FAM83B: variants seen among roughly 807,000 people sequenced by gnomAD.
The protein encoded by FAM83B is scaffolding CK1 anchoring protein B, also known as protein FAM83B.
A neutral mutation model predicts 38.8 loss-of-function variants in FAM83B; 26 were observed. The observed-to-expected ratio is 0.67, with a 90% CI of 0.49 to 0.93. FAM83B has a LOEUF of 0.93. Among genes scored for constraint, FAM83B ranks in the 40% least tolerant of loss-of-function variants. FAM83B has a pLI of 0.00. For synonymous variants in FAM83B, 419 were observed against 423.1 expected (o/e 0.99, Z 0.12); for missense variants, 1,237 against 1,197.3 (o/e 1.03, Z -0.49).
intron 2 of FAM83B, among the ~76,000 whole-genome samples, chr6:54,906,453 C>T (rs900173472): frequency 6.6e-6 from 1 of 152,200 alleles, no homozygotes; most frequent in Non-Finnish European, 1.5e-5. Flanking sequence ...GGCATGAGCT[C>T]GGCTCACTGC....
chr6:54,872,363 A>C (rs1186924105), intron 2 of FAM83B, among the ~76,000 whole-genome samples: 1 of 152,196 alleles, frequency 6.6e-6, no homozygotes, highest in African/African-American at 2.4e-5. Context: ...ATTTGAGGCT[A>C]TATGTGAGTC....
intron 2 of FAM83B, among the ~76,000 whole-genome samples, chr6:54,884,051 C>A (rs898940103): frequency 2.6e-5 from 4 of 152,024 alleles, no homozygotes; most frequent in African/African-American, 7.2e-5. Flanking sequence ...CGCCTTTAAT[C>A]CCAGCACTGT....
At chr6:54,854,636 G>T (rs1401744196) in intron 1 of FAM83B, among the ~76,000 whole-genome samples, 1 of 152,164 alleles carries the variant, frequency 6.6e-6, no homozygotes, top group Non-Finnish European at 1.5e-5. Context: ...ATAAGCCACA[G>T]TATAATGTAA....
At chr6:54,856,471 T>C (rs1322675588) in intron 1 of FAM83B, among the ~76,000 whole-genome samples, 2 of 152,118 alleles carry the variant, frequency 1.3e-5, no homozygotes, top group African/African-American at 2.4e-5. Flanking sequence ...TTGAGCACAA[T>C]TGTAGAGAGA....
intron 2 of FAM83B, among the ~76,000 whole-genome samples, chr6:54,900,088 T>C (rs948727898): frequency 2.0e-5 from 3 of 152,196 alleles, no homozygotes; most frequent in Non-Finnish European, 2.9e-5. Context: ...AAAATTAACA[T>C]TTGTTATGCA....
In FAM83B at chr6:54,941,532, C is replaced by T. The variant is rs1247833280; in HGVS notation, c.2561C>T (p.Ser854Phe). Reference sequence around the variant, plus strand: ...AAGGAAGATGTAACAGTTAGCCCATCTCAAGAGATAAATGCTCCACCAGAT... The same window carrying T: ...AAGGAAGATGTAACAGTTAGCCCATTTCAAGAGATAAATGCTCCACCAGAT... ...KSKEDVTVSP[S>F]QEINAPPDEN... The change falls in exon 5 of 5, where the codon TCT becomes TTT. Residue 854 changes from serine to phenylalanine, a missense_variant. Coordinates refer to ENST00000306858, the MANE Select transcript of FAM83B (RefSeq NM_001010872.3). 3 of 1,613,942 alleles carry T rather than the reference C, an allele frequency of 1.9e-6. No homozygotes were observed. The highest frequency in any genetic ancestry group is 1.6e-4 in the Middle Eastern group (1 of 6,084).
chr6:54,927,073 T>G (rs971719652), intron 3 of FAM83B, among the ~76,000 whole-genome samples: 5 of 152,178 alleles, frequency 3.3e-5, no homozygotes, highest in Non-Finnish European at 1.5e-5. Context: ...GATTAATATT[T>G]AATACATCAG....
In FAM83B at chr6:54,899,719, C is replaced by T. The variant is rs562603279; in HGVS notation, c.445-26652C>T. On this transcript the variant is annotated intron_variant, in intron 2 of 4. Transcript: ENST00000306858. ...CTGATTCCATTCATGAGGCCTCCCA[C>T]AGGCTCCACCTCCTAATATATTGTC... Among the ~76,000 whole-genome samples, 13 of 152,278 alleles carry T rather than the reference C, an allele frequency of 8.5e-5. No individual in the cohort carries two copies. In the South Asian group the frequency reaches 2.7e-3, roughly 32 times the overall value.
chr6:54,912,716 A>C (rs1271798971), intron 2 of FAM83B, among the ~76,000 whole-genome samples: 2 of 152,008 alleles, frequency 1.3e-5, no homozygotes, highest in Non-Finnish European at 2.9e-5. Flanking sequence ...CCCCCTGAAA[A>C]TTTATTTCTC....
intron 1 of FAM83B, among the ~76,000 whole-genome samples, chr6:54,866,731 A>G (rs1197084703): frequency 5.3e-5 from 8 of 152,118 alleles, no homozygotes; most frequent in East Asian, 1.9e-4. Flanking sequence ...TAGAGCTGCT[A>G]TAAATATTTG....
Position 54,941,303 on chromosome 6 carries a change from T to A in FAM83B, c.2332T>A (p.Leu778Ile). Residue 778 changes from leucine to isoleucine, a missense_variant, in exon 5 of 5, where the codon TTA (leucine) becomes ATA (isoleucine). Transcript: ENST00000306858. ...AAAGGGGTCTCAGAAGTTAAGGTCA[T>A]TACTTAGCCTTACCCCAGATAAGAA... Reference protein sequence around the residue: ...LKKGSQKLRSLLSLTPDKKEN... With the variant: ...LKKGSQKLRSILSLTPDKKEN... 1 of 1,611,342 alleles carries A rather than the reference T, an allele frequency of 6.2e-7. No individual in the cohort carries two copies. The highest frequency in any genetic ancestry group is 2.2e-5 in the East Asian group (1 of 44,862).
chr6:54,927,727 GTAAA>G (rs1773332199), intron 4 of FAM83B, 95 bp downstream of exon 4: 2 of 33,556 alleles, frequency 6.0e-5, no homozygotes, highest in South Asian at 1.0e-3. Context: ...TTTCTTAAAA[GTAAA>G]AAAAAAAAAA....
intron 1 of FAM83B, among the ~76,000 whole-genome samples, chr6:54,859,004 C>A (rs918525473): frequency 1.3e-5 from 2 of 152,078 alleles, no homozygotes; most frequent in African/African-American, 4.8e-5. Context: ...AATATATGTT[C>A]AGATATTGAC....
chr6:54,914,620 G>C (rs1037494387), intron 2 of FAM83B, among the ~76,000 whole-genome samples: 1 of 152,122 alleles, frequency 6.6e-6, no homozygotes, highest in African/African-American at 2.4e-5. Context: ...GCTGGAAAAT[G>C]TCTAAAACAT....
At chr6:54,852,971 T>A (rs558310965) in intron 1 of FAM83B, among the ~76,000 whole-genome samples, 1 of 150,274 alleles carries the variant, frequency 6.7e-6, no homozygotes, top group East Asian at 1.9e-4. Flanking sequence ...CATTGGCTAT[T>A]GTTGTTAGTG....
intron 4 of FAM83B, among the ~76,000 whole-genome samples, chr6:54,932,560 T>A (rs573396108): frequency 6.6e-6 from 1 of 152,334 alleles, no homozygotes; most frequent in East Asian, 1.9e-4. Flanking sequence ...TTACTTTTAC[T>A]GGAGAACTTG....
At chr6:54,855,985 G>A (rs1354202876) in intron 1 of FAM83B, among the ~76,000 whole-genome samples, 1 of 152,188 alleles carries the variant, frequency 6.6e-6, no homozygotes, top group African/African-American at 2.4e-5. Context: ...AACTGAAAGA[G>A]AAGAAAGGTA....
intron 2 of FAM83B, among the ~76,000 whole-genome samples, chr6:54,916,179 A>G (rs1773032879): frequency 1.3e-5 from 2 of 152,024 alleles, no homozygotes; most frequent in African/African-American, 2.4e-5. Context: ...TTCATGCACT[A>G]TTTTACAATT....
chr6:54,890,731 A>C (rs1403577469), intron 2 of FAM83B, among the ~76,000 whole-genome samples: 1 of 152,066 alleles, frequency 6.6e-6, no homozygotes, highest in African/African-American at 2.4e-5. Flanking sequence ...CATTCAATTT[A>C]TGTAATCAGT....
Sources: gnomAD v4.1 joint callset for allele counts (sites outside exome capture counted in the v4.1 genomes callset) on GRCh38, gnomAD v4.1.1 for gene constraint, MANE v1.5 for transcripts, NCBI Gene and HGNC (gene_info 2026-07-23, HGNC 2026-07-21) for gene names.